Variants in RYR3 observed in about 807,000 individuals in gnomAD.
RYR3 encodes ryanodine receptor 3.
A neutral mutation model predicts 584.3 loss-of-function variants in RYR3; 207 were observed. The observed-to-expected ratio is 0.35, with a 90% CI of 0.32 to 0.40. The LOEUF (loss-of-function observed/expected upper bound fraction) is 0.40. Ranked by LOEUF, RYR3 falls within the 10% of genes least tolerant of loss-of-function variation. The pLI, the probability that RYR3 is intolerant of heterozygous loss-of-function variation, is 1.00. For synonymous variants in RYR3, 2,416 were observed against 2,248.5 expected, an observed-to-expected ratio of 1.07 and a Z score of -2.11; for missense variants, 5,616 against 6,089.2, an observed-to-expected ratio of 0.92 and a Z score of 2.59.
chr15:33,502,609 C>T (rs1324110904), intron 2 of RYR3, among the ~76,000 whole-genome samples: 1 of 152,170 alleles, frequency 6.6e-6, no homozygotes, highest in East Asian at 1.9e-4. Flanking sequence ...CTTTGTATTT[C>T]TTTGTATCTT....
At chr15:33,744,032 C>T (rs2070430603) in intron 52 of RYR3, among the ~76,000 whole-genome samples, 1 of 152,184 alleles carries the variant, frequency 6.6e-6, no homozygotes, top group Non-Finnish European at 1.5e-5. Flanking sequence ...CTCTGCCCTC[C>T]AGCCACCTCC....
intron 1 of RYR3, among the ~76,000 whole-genome samples, chr15:33,391,023 A>G (rs1489080691): frequency 6.6e-6 from 1 of 152,196 alleles, no homozygotes; most frequent in Admixed American, 6.5e-5. Flanking sequence ...AGCTTTGAGT[A>G]CAACTGTTTG....
chr15:33,348,802 A>T (rs971317891), intron 1 of RYR3, among the ~76,000 whole-genome samples: 1 of 152,076 alleles, frequency 6.6e-6, no homozygotes, highest in African/African-American at 2.4e-5. Flanking sequence ...AATTGCATGC[A>T]TTAAGTTTCA....
At chr15:33,608,831 C>T (rs1274462395) in intron 18 of RYR3, among the ~76,000 whole-genome samples, 1 of 152,202 alleles carries the variant, frequency 6.6e-6, no homozygotes. Context: ...GTGTCTTTCA[C>T]CACGAGGGCA....
intron 45 of RYR3, 27 bp from the exon 46 acceptor site, chr15:33,726,359 A>G: frequency 6.2e-7 from 1 of 1,612,012 alleles, no homozygotes; most frequent in African/African-American, 1.3e-5. Flanking sequence ...TCACTTATCT[A>G]ATGTCATTCT....
At chr15:33,596,921 G>A (rs1279859502) in intron 16 of RYR3, among the ~76,000 whole-genome samples, 1 of 152,038 alleles carries the variant, frequency 6.6e-6, no homozygotes, top group Non-Finnish European at 1.5e-5. Context: ...CTGGGCATAG[G>A]CCGAACTAAC....
At chr15:33,638,573 A>G (rs1055401210) in intron 27 of RYR3, among the ~76,000 whole-genome samples, 1 of 152,186 alleles carries the variant, frequency 6.6e-6, no homozygotes, top group Non-Finnish European at 1.5e-5. Context: ...CTTGTTAGCA[A>G]TGAGGAATCT....
intron 12 of RYR3, among the ~76,000 whole-genome samples, chr15:33,570,231 A>G (rs2057951409): frequency 6.6e-6 from 1 of 152,114 alleles, no homozygotes; most frequent in Non-Finnish European, 1.5e-5. Flanking sequence ...TCCGTGATCT[A>G]TTTTGAGTCT....
chr15:33,429,408 T>C (rs1194847490), intron 1 of RYR3, among the ~76,000 whole-genome samples: 1 of 152,240 alleles, frequency 6.6e-6, no homozygotes, highest in Non-Finnish European at 1.5e-5. Context: ...GTCAGCCTCT[T>C]CTGAGAAAGA....
intron 1 of RYR3, among the ~76,000 whole-genome samples, chr15:33,463,480 G>A (rs1451294230): frequency 2.0e-5 from 3 of 151,672 alleles, no homozygotes; most frequent in African/African-American, 7.3e-5. Flanking sequence ...AAATTCTCTG[G>A]GTAGCAACTA....
chr15:33,712,872 G>GAT lies in RYR3; in HGVS notation c.6619+5820_6619+5821dup, dbSNP rs563775328. On this transcript the variant is annotated intron_variant, in intron 43 of 103. Transcript: ENST00000634891. Reference sequence around the variant, plus strand: ...GCTTTTTTATGTGTAAAACAGAGATGATAATAATGTATGCCTCACAGAGTT... The same window carrying GAT: ...GCTTTTTTATGTGTAAAACAGAGATGATATAATAATGTATGCCTCACAGAGTT... 1.9e-4 allele frequency among the ~76,000 whole-genome samples: 29 copies of GAT among 152,212 alleles called. No individual in the cohort carries two copies. The East Asian group carries it at 2.7e-3, about 14-fold the overall frequency.
chr15:33,759,587 A>G (rs1402580083), intron 60 of RYR3, among the ~76,000 whole-genome samples: 1 of 152,256 alleles, frequency 6.6e-6, no homozygotes, highest in South Asian at 2.1e-4. Flanking sequence ...CATAAGGACA[A>G]GATTAGAGAA....
intron 32 of RYR3, among the ~76,000 whole-genome samples, chr15:33,653,280 A>G (rs1327646299): frequency 6.6e-6 from 1 of 152,230 alleles, no homozygotes; most frequent in Non-Finnish European, 1.5e-5. Context: ...TCTGTACTCA[A>G]AATAGAAACC....
intron 46 of RYR3, among the ~76,000 whole-genome samples, chr15:33,727,019 T>C (rs1299656902): frequency 1.3e-5 from 2 of 152,250 alleles, no homozygotes; most frequent in Admixed American, 1.3e-4. Context: ...CCTATGAGCA[T>C]GCCAACCCTC....
intron 49 of RYR3, 131 bp downstream of exon 49, chr15:33,736,456 G>C: frequency 1.7e-6 from 1 of 603,474 alleles, no homozygotes; most frequent in Non-Finnish European, 2.9e-6. Flanking sequence ...TTGATGGTTA[G>C]CTAACAAGAT....
At chr15:33,471,540 A>C (rs1484319100) in intron 1 of RYR3, among the ~76,000 whole-genome samples, 2 of 151,794 alleles carry the variant, frequency 1.3e-5, no homozygotes, top group Non-Finnish European at 2.9e-5. Flanking sequence ...GATCTTGAAA[A>C]GAGAACCTCA....
At chr15:33,556,949 TA>T (rs1462160603) in intron 10 of RYR3, among the ~76,000 whole-genome samples, 28 of 151,626 alleles carry the variant, frequency 1.8e-4, no homozygotes, top group Non-Finnish European at 3.4e-4. Flanking sequence ...TGTATGAACC[TA>T]AAGCCATTTT....
chr15:33,687,721 A>T (rs994778027), intron 38 of RYR3, among the ~76,000 whole-genome samples: 106 of 152,292 alleles, frequency 7.0e-4, no homozygotes, highest in Non-Finnish European at 1.3e-3. Context: ...AGATATATAG[A>T]CCAATGGAAC....
chr15:33,319,936 C>G (rs1198107760), intron 1 of RYR3, among the ~76,000 whole-genome samples: 2 of 152,090 alleles, frequency 1.3e-5, no homozygotes, highest in African/African-American at 4.8e-5. Flanking sequence ...GGAAAGTTCA[C>G]AAATCTAAAC....
Sources: allele counts gnomAD v4.1 joint callset (sites outside exome capture counted in the v4.1 genomes callset), GRCh38; gene constraint gnomAD v4.1.1; transcripts MANE v1.5; gene names NCBI Gene and HGNC (gene_info 2026-07-23, HGNC 2026-07-21).